Variants in DOCK11 observed in about 807,000 individuals in gnomAD.
DOCK11 encodes the protein dedicator of cytokinesis protein 11.
DOCK11 carries 70 observed loss-of-function variants against 169.1 expected under a neutral mutation model. That is an observed-to-expected ratio of 0.41 (90% CI 0.34 to 0.51). The LOEUF is 0.51. Among genes scored for constraint, DOCK11 ranks in the 20% least tolerant of loss-of-function variants. DOCK11 has a pLI of 0.10. For missense variants in DOCK11, 1,166 were observed against 1,538.8 expected, an observed-to-expected ratio of 0.76 and a Z score of 4.05; for synonymous variants, 529 against 541.3, an observed-to-expected ratio of 0.98 and a Z score of 0.32.
At chrX:118,574,513 G>A (rs2013384719) in intron 12 of DOCK11, among the ~76,000 whole-genome samples, 1 of 111,458 alleles carries the variant, frequency 9.0e-6, no homozygotes, top group Non-Finnish European at 1.9e-5. Context: ...AGGTTGCAGT[G>A]AGCCGAGATC....
chrX:118,664,690 G>C (rs778822583), intron 45 of DOCK11, among the ~76,000 whole-genome samples: 11 of 110,653 alleles, frequency 9.9e-5, no homozygotes, highest in Admixed American at 2.9e-4. Flanking sequence ...TAAGGAGAGA[G>C]ATTAGGGTTA....
intron 48 of DOCK11, among the ~76,000 whole-genome samples, chrX:118,678,277 G>A (rs192858263): frequency 1.5e-4 from 17 of 111,177 alleles, no homozygotes; most frequent in African/African-American, 4.6e-4. Context: ...ACATATAAAT[G>A]TATATGTTTA....
intron 45 of DOCK11, among the ~76,000 whole-genome samples, chrX:118,666,443 C>A (rs2016340758): frequency 9.0e-6 from 1 of 111,339 alleles, no homozygotes; most frequent in Admixed American, 9.5e-5. Context: ...CATCTGATTT[C>A]TATCACCATG....
At chrX:118,525,279 T>G (rs903818288) in intron 1 of DOCK11, among the ~76,000 whole-genome samples, 1 of 112,006 alleles carries the variant, frequency 8.9e-6, no homozygotes, top group African/African-American at 3.3e-5. Context: ...TTGTTCACAA[T>G]TGTCAAAAGG....
chrX:118,565,906 A>G (rs1011884632), intron 7 of DOCK11, 99 bp from the exon 8 acceptor site: 8 of 824,284 alleles, frequency 9.7e-6, no homozygotes, highest in Admixed American at 8.6e-5. Flanking sequence ...CTTGACGCAC[A>G]TATGCACTAA....
chrX:118,569,339 G>C (rs1313521204), intron 10 of DOCK11: 1 of 110,387 alleles, frequency 9.1e-6, no homozygotes, highest in Non-Finnish European at 1.9e-5. Flanking sequence ...TGATCCACCC[G>C]CCTTGGCCTC....
chrX:118,502,406 C>G (rs1255192969), intron 1 of DOCK11, among the ~76,000 whole-genome samples: 1 of 112,165 alleles, frequency 8.9e-6, no homozygotes, highest in Non-Finnish European at 1.9e-5. Flanking sequence ...AAAATTCACT[C>G]TTCACAAAGC....
Position 118,654,666 on chromosome X carries a change from C to G in DOCK11, c.4760C>G (p.Thr1587Ser), listed in dbSNP as rs770865361. ...TKRIRTVLMA[T>S]AQMKEHEKDP... ...AGAATCCGCACTGTTCTTATGGCCA[C>G]TGCCCAAATGAAGGAGCATGAGAAA... The change falls in exon 43 of 53, where the codon ACT becomes AGT. Residue 1587 changes from threonine (T) to serine (S), a missense_variant. Transcript: ENST00000276202. 8.3e-7 allele frequency: 1 copy of G among 1,211,737 alleles called. No homozygotes were observed.
intron 10 of DOCK11, chrX:118,569,284 G>C (rs972667623): frequency 3.7e-5 from 4 of 109,238 alleles, no homozygotes; most frequent in Non-Finnish European, 7.6e-5. Flanking sequence ...TAGAAATGGG[G>C]TTTCTCCACA....
chrX:118,511,910 C>CTTAT (rs1207605751), intron 1 of DOCK11, among the ~76,000 whole-genome samples: 27 of 112,015 alleles, frequency 2.4e-4, no homozygotes, highest in Non-Finnish European at 2.8e-4. Flanking sequence ...TCTATTTCCG[C>CTTAT]TTATTTATTT....
At chrX:118,506,037 GAGCCTGGGAGTTCCAGGCC>G (rs896835285) in intron 1 of DOCK11, among the ~76,000 whole-genome samples, 3 of 112,114 alleles carry the variant, frequency 2.7e-5, no homozygotes, top group Admixed American at 9.4e-5. Flanking sequence ...AGGATTGCTT[GAGCCTGGGAGTTCCAGGCC>G]AGCCTGGGAG....
rs181386516 is a variant in DOCK11 at position 118,621,915 on chromosome X, G to A, written c.3472-2624G>A. On this transcript the variant is annotated intron_variant, in intron 31 of 52. Transcript: ENST00000276202. ...CCCAAAGTGCTGGGATTACAAGTGC[G>A]AGACACCGTGCCCAGCCAGCAATGT... Among the ~76,000 whole-genome samples the A allele has an allele frequency of 6.8e-3, 758 of 111,522 alleles. 7 individuals are homozygous for A. The highest frequency in any genetic ancestry group is 0.022 in the African/African-American group (686 of 30,659).
At position 118,580,132 on chromosome X, in the gene DOCK11, G is replaced by A. The variant is rs1188799012; in HGVS notation, c.1548G>A (p.Val516=). 2 of 1,210,189 alleles carry A rather than the reference G, an allele frequency of 1.7e-6. No individual in the cohort carries two copies. Among genetic ancestry groups the A allele is most frequent in the East Asian group, 5.9e-5 (2 of 33,810 alleles). Residue 516 remains valine (V), a synonymous_variant, in exon 14 of 53, where the codon GTG becomes GTA. Coordinates refer to ENST00000276202, the MANE Select transcript of DOCK11 (RefSeq NM_144658.4). ...AGGTGCACAGGACAGCTAAACAAGT[G>A]TGTAGCCGCCTTGGACAATACAGAA... The part of the protein sequence containing the change: ...AQKVHRTAKQ[V]CSRLGQYRMP...
At chrX:118,586,594 T>A (rs878875768) in intron 16 of DOCK11, among the ~76,000 whole-genome samples, 1 of 111,561 alleles carries the variant, frequency 9.0e-6, no homozygotes, top group Non-Finnish European at 1.9e-5. Context: ...CCTAACCATA[T>A]CACAAGGGCA....
intron 14 of DOCK11, among the ~76,000 whole-genome samples, chrX:118,580,731 A>G (rs1230455887): frequency 1.8e-5 from 2 of 111,015 alleles, no homozygotes; most frequent in Non-Finnish European, 3.8e-5. Flanking sequence ...GACTGACACC[A>G]CTTAATTTTA....
Position 118,574,019 on chromosome X carries a change from G to T in DOCK11, c.1389+1G>T. ...ATCTCAGTTACGCTACATACAACAG[G>T]TAACGAATGACCTTTAGTCTTAGCA... On this transcript the variant is annotated splice_donor_variant, in intron 12 of 52. Coordinates refer to ENST00000276202, the MANE Select transcript of DOCK11 (RefSeq NM_144658.4). LOFTEE classifies it high-confidence loss of function. 8.3e-7 allele frequency: 1 copy of T among 1,203,247 alleles called. No homozygotes were observed. Among genetic ancestry groups the T allele is most frequent in the Non-Finnish European group, 1.1e-6 (1 of 888,259 alleles).
intron 28 of DOCK11, among the ~76,000 whole-genome samples, chrX:118,613,203 T>G (rs940675299): frequency 7.1e-5 from 8 of 112,177 alleles, no homozygotes; most frequent in Non-Finnish European, 1.5e-4. Flanking sequence ...TTCTCTAGAA[T>G]GTAGTACATT....
chrX:118,536,066 G>C (rs1453811024), intron 1 of DOCK11, among the ~76,000 whole-genome samples: 1 of 111,843 alleles, frequency 8.9e-6, no homozygotes, highest in Non-Finnish European at 1.9e-5. Context: ...TGGGAGGCTT[G>C]ATGGGTGGAT....
At chrX:118,610,974 G>C in intron 28 of DOCK11, among the ~76,000 whole-genome samples, 1 of 111,420 alleles carries the variant, frequency 9.0e-6, no homozygotes, top group Non-Finnish European at 1.9e-5. Context: ...GGGAGGTGGA[G>C]GTTTCAGTGA....
Sources: gnomAD v4.1 joint callset for allele counts (sites outside exome capture counted in the v4.1 genomes callset) on GRCh38, gnomAD v4.1.1 for gene constraint, MANE v1.5 for transcripts, NCBI Gene and HGNC (gene_info 2026-07-23, HGNC 2026-07-21) for gene names.